GRIN2A: variants seen among roughly 807,000 people sequenced by gnomAD.
GRIN2A encodes the protein glutamate ionotropic receptor NMDA type subunit 2A.
In GRIN2A, 22 loss-of-function variants were observed where a neutral mutation model predicts 113.4. That is an observed-to-expected ratio of 0.19 (90% confidence interval 0.14 to 0.28). The LOEUF is 0.28. Ranked by LOEUF, GRIN2A falls within the 10% of genes least tolerant of loss-of-function variation. The probability of loss-of-function intolerance (pLI) is 1.00; values close to 1 mark genes in which losing one functional copy is unlikely to be tolerated. For missense variants in GRIN2A, 1,502 were observed against 1,887.0 expected, an observed-to-expected ratio of 0.80 and a Z score of 3.78; for synonymous variants, 827 against 738.4, an observed-to-expected ratio of 1.12 and a Z score of -1.94.
At chr16:9,813,037 G>A (rs1252431503) in intron 10 of GRIN2A, among the ~76,000 whole-genome samples, 2 of 152,256 alleles carry the variant, frequency 1.3e-5, no homozygotes, top group Non-Finnish European at 2.9e-5. Flanking sequence ...TCGTACAGAA[G>A]TGTGAGGGAT....
chr16:10,135,261 A>G (rs144070927), intron 2 of GRIN2A, among the ~76,000 whole-genome samples: 1 of 152,186 alleles, frequency 6.6e-6, no homozygotes, highest in East Asian at 1.9e-4. Context: ...AGTTTTCAAT[A>G]ACATTTCCTT....
At chr16:9,838,588 G>A (rs1259237311) in intron 7 of GRIN2A, among the ~76,000 whole-genome samples, 3 of 152,100 alleles carry the variant, frequency 2.0e-5, no homozygotes, top group Non-Finnish European at 2.9e-5. Flanking sequence ...TGGAGGATGG[G>A]TATGTAGATG....
intron 4 of GRIN2A, among the ~76,000 whole-genome samples, chr16:9,879,661 T>C (rs1357546595): frequency 2.0e-5 from 3 of 152,124 alleles, no homozygotes; most frequent in East Asian, 1.9e-4. Context: ...GTGCAGACAA[T>C]TGGGTTCCAA....
chr16:9,985,337 G>A (rs1046688864), intron 2 of GRIN2A, among the ~76,000 whole-genome samples: 5 of 152,122 alleles, frequency 3.3e-5, no homozygotes, highest in Admixed American at 6.6e-5. Flanking sequence ...TCATTAGGAA[G>A]TGATGTTTAT....
intron 2 of GRIN2A, among the ~76,000 whole-genome samples, chr16:10,059,820 A>G (rs749968837): frequency 3.9e-4 from 60 of 152,080 alleles, no homozygotes; most frequent in Non-Finnish European, 7.8e-4. Flanking sequence ...ACAATTTTAG[A>G]TTCGTGAATG....
chr16:9,897,620 T>A (rs2043833291), intron 3 of GRIN2A, among the ~76,000 whole-genome samples: 4 of 152,136 alleles, frequency 2.6e-5, no homozygotes, highest in Non-Finnish European at 5.9e-5. Context: ...CATAAATAAT[T>A]TTAGGTTGAT....
intron 2 of GRIN2A, among the ~76,000 whole-genome samples, chr16:10,089,057 C>T (rs1183148052): frequency 6.6e-6 from 1 of 152,132 alleles, no homozygotes; most frequent in African/African-American, 2.4e-5. Context: ...ATAAGAACAA[C>T]CCAAGAGGCC....
intron 2 of GRIN2A, among the ~76,000 whole-genome samples, chr16:9,992,759 G>A (rs2046143546): frequency 6.6e-6 from 1 of 152,132 alleles, no homozygotes; most frequent in South Asian, 2.1e-4. Flanking sequence ...GTGGACAGTG[G>A]ACAAATCTGA....
At chr16:10,142,313 A>G (rs1360011427) in intron 2 of GRIN2A, among the ~76,000 whole-genome samples, 1 of 152,244 alleles carries the variant, frequency 6.6e-6, no homozygotes, top group Non-Finnish European at 1.5e-5. Flanking sequence ...AGGGAGACGA[A>G]TAAGTTTAAA....
intron 4 of GRIN2A, among the ~76,000 whole-genome samples, chr16:9,855,970 G>C (rs2042960083): frequency 6.6e-6 from 1 of 152,192 alleles, no homozygotes; most frequent in African/African-American, 2.4e-5. Context: ...AAGGGCATGA[G>C]TTCAAATCCT....
intron 10 of GRIN2A, among the ~76,000 whole-genome samples, chr16:9,815,805 T>C (rs977579375): frequency 6.6e-6 from 1 of 152,242 alleles, no homozygotes; most frequent in Non-Finnish European, 1.5e-5. Flanking sequence ...CTCAAAAATA[T>C]ATTCACACAT....
chr16:9,892,670 G>A (rs2043717166), intron 3 of GRIN2A, among the ~76,000 whole-genome samples: 1 of 152,068 alleles, frequency 6.6e-6, no homozygotes, highest in African/African-American at 2.4e-5. Context: ...AAGCCACCTT[G>A]GCCTGTACTC....
chr16:9,918,905 G>A (rs1884458244), intron 3 of GRIN2A, among the ~76,000 whole-genome samples: 1 of 152,064 alleles, frequency 6.6e-6, no homozygotes, highest in Admixed American at 6.5e-5. Flanking sequence ...CGGCGCGGTG[G>A]CTCATGCCTG....
intron 10 of GRIN2A, among the ~76,000 whole-genome samples, chr16:9,799,602 A>C (rs1903230597): frequency 6.6e-6 from 1 of 152,210 alleles, no homozygotes. Context: ...TTCCGATAAA[A>C]TGTTATTTAG....
chr16:10,030,952 A>G (rs554125802), intron 2 of GRIN2A, among the ~76,000 whole-genome samples: 1 of 152,316 alleles, frequency 6.6e-6, no homozygotes, highest in Non-Finnish European at 1.5e-5. Flanking sequence ...GGTATGTCTC[A>G]TGCACCATCT....
chr16:10,062,122 C>G (rs986730115), intron 2 of GRIN2A, among the ~76,000 whole-genome samples: 4 of 152,136 alleles, frequency 2.6e-5, no homozygotes, highest in Middle Eastern at 3.2e-3. Context: ...AGGTCCGGTA[C>G]TTGCTGACTT....
chr16:9,870,858 G>C (rs1347445187), intron 4 of GRIN2A, among the ~76,000 whole-genome samples: 1 of 151,906 alleles, frequency 6.6e-6, no homozygotes, highest in Non-Finnish European at 1.5e-5. Context: ...GGTTGGTCTC[G>C]AACTCCTGAG....
chr16:10,121,910 A>C (rs905744292), intron 2 of GRIN2A, among the ~76,000 whole-genome samples: 7 of 152,390 alleles, frequency 4.6e-5, no homozygotes, highest in South Asian at 4.1e-4. Context: ...AAACATTAAA[A>C]GTTTGCATAA....
intron 11 of GRIN2A, among the ~76,000 whole-genome samples, chr16:9,784,544 T>A (rs1188968836): frequency 6.6e-6 from 1 of 150,996 alleles, no homozygotes; most frequent in African/African-American, 2.4e-5. Context: ...GGACTTCATG[T>A]CTAAAACACC....
Sources: allele counts gnomAD v4.1 joint callset (sites outside exome capture counted in the v4.1 genomes callset), GRCh38; gene constraint gnomAD v4.1.1; transcripts MANE v1.5; gene names NCBI Gene and HGNC (gene_info 2026-07-23, HGNC 2026-07-21).